CNTNAP2: variants seen among roughly 807,000 people sequenced by gnomAD.
The protein encoded by CNTNAP2 is contactin-associated protein-like 2.
In CNTNAP2, 98 loss-of-function variants were observed where a neutral mutation model predicts 155.2. That is an observed-to-expected ratio of 0.63 (90% CI 0.54 to 0.75). The LOEUF is 0.75. Among genes scored for constraint, CNTNAP2 ranks in the 30% least tolerant of loss-of-function variants. The pLI is 0.00. For synonymous variants in CNTNAP2, 651 were observed against 631.2 expected (o/e 1.03, Z -0.47); for missense variants, 1,727 against 1,688.1 (o/e 1.02, Z -0.40).
intron 8 of CNTNAP2, chr7:147,167,610 T>A: frequency 1.5e-6 from 1 of 660,664 alleles, no homozygotes; most frequent in Admixed American, 2.8e-5. Context: ...ATCAGAAGTC[T>A]AGTTTTATAT....
At chr7:146,363,284 A>G (rs1302797904) in intron 1 of CNTNAP2, among the ~76,000 whole-genome samples, 2 of 152,158 alleles carry the variant, frequency 1.3e-5, no homozygotes, top group Non-Finnish European at 2.9e-5. Context: ...GCAGTCACTT[A>G]CCTGTGTGGT....
chr7:147,316,115 A>T (rs1471997755), intron 9 of CNTNAP2, among the ~76,000 whole-genome samples: 1 of 152,032 alleles, frequency 6.6e-6, no homozygotes, highest in African/African-American at 2.4e-5. Flanking sequence ...TCTTGGGTAT[A>T]TACCTAGGAG....
intron 9 of CNTNAP2, among the ~76,000 whole-genome samples, chr7:147,382,688 G>T (rs980013150): frequency 2.0e-5 from 3 of 152,216 alleles, no homozygotes; most frequent in South Asian, 2.1e-4. Context: ...CTTTGGATAA[G>T]GTCTTTATTA....
At chr7:147,663,021 C>T (rs1440270657) in intron 13 of CNTNAP2, among the ~76,000 whole-genome samples, 1 of 151,938 alleles carries the variant, frequency 6.6e-6, no homozygotes, top group Non-Finnish European at 1.5e-5. Context: ...GTTTTTGAGA[C>T]CGAGTCTCGC....
chr7:146,700,311 A>G (rs1800854181), intron 1 of CNTNAP2, among the ~76,000 whole-genome samples: 2 of 152,108 alleles, frequency 1.3e-5, no homozygotes. Flanking sequence ...TTGCCCTGTG[A>G]TCCTGATTAT....
At chr7:147,159,789 C>T (rs7807033) in intron 8 of CNTNAP2, among the ~76,000 whole-genome samples, 14,630 of 152,148 alleles carry the variant, frequency 0.096, 770 homozygotes, top group Non-Finnish European at 0.12. Context: ...CCTATGGTCA[C>T]GCCTACCAAC....
At chr7:146,433,468 A>G (rs754154459) in intron 1 of CNTNAP2, among the ~76,000 whole-genome samples, 1 of 152,134 alleles carries the variant, frequency 6.6e-6, no homozygotes, top group African/African-American at 2.4e-5. Context: ...GATTGAAAAT[A>G]CACATTGACA....
rs1017705694 is a variant in CNTNAP2 at position 146,596,601 on chromosome 7, G to C, written c.98-177670G>C. On this transcript the variant is annotated intron_variant, in intron 1 of 23. Transcript: ENST00000361727. The stretch of plus-strand genomic sequence containing the variant: ...GAGAGAGATAGAAGGGAGACAGAGA[G>C]AGAGAGAGAGAGAGAGAGAGAGAGA... Among the ~76,000 whole-genome samples the C allele has an allele frequency of 3.5e-4, 27 of 77,152 alleles. No individual in the cohort carries two copies. The South Asian group carries it at 3.7e-3, about 11-fold the overall frequency. 50.6% of individuals were successfully genotyped at this position (77,152 alleles called of 152,430 possible).
intron 14 of CNTNAP2, among the ~76,000 whole-genome samples, chr7:147,948,392 C>G (rs772088952): frequency 6.6e-6 from 1 of 151,668 alleles, no homozygotes; most frequent in Non-Finnish European, 1.5e-5. Context: ...TTTCACATTG[C>G]ATGCCTGCAT....
intron 1 of CNTNAP2, among the ~76,000 whole-genome samples, chr7:146,245,296 T>C (rs986492030): frequency 6.6e-6 from 1 of 152,078 alleles, no homozygotes; most frequent in African/African-American, 2.4e-5. Context: ...ACAATGGTAA[T>C]TGTGGGACTT....
chr7:147,773,885 C>G (rs1164461862), intron 13 of CNTNAP2, among the ~76,000 whole-genome samples: 4 of 152,142 alleles, frequency 2.6e-5, no homozygotes, highest in African/African-American at 9.7e-5. Flanking sequence ...TGACTTGATT[C>G]TCACTACCTC....
intron 3 of CNTNAP2, among the ~76,000 whole-genome samples, chr7:146,869,706 T>A (rs1450033850): frequency 2.0e-5 from 3 of 151,872 alleles, no homozygotes; most frequent in Non-Finnish European, 4.4e-5. Context: ...GAACTTGGGG[T>A]CTGATGTTCA....
At chr7:146,341,719 AC>A (rs1392680234) in intron 1 of CNTNAP2, among the ~76,000 whole-genome samples, 2 of 152,028 alleles carry the variant, frequency 1.3e-5, no homozygotes, top group African/African-American at 4.8e-5. Context: ...AATTTCAAAA[AC>A]AAAAACAAAA....
At chr7:146,507,466 T>A (rs1223024863) in intron 1 of CNTNAP2, among the ~76,000 whole-genome samples, 1 of 152,202 alleles carries the variant, frequency 6.6e-6, no homozygotes, top group African/African-American at 2.4e-5. Flanking sequence ...TCCCAAGTAA[T>A]TCCTGTTTTT....
intron 10 of CNTNAP2, among the ~76,000 whole-genome samples, chr7:147,398,595 T>A: frequency 6.8e-6 from 1 of 146,672 alleles, no homozygotes; most frequent in East Asian, 2.0e-4. Context: ...TGAACTTTTT[T>A]TTTTTTTTTT....
chr7:146,639,071 A>G (rs1799661056), intron 1 of CNTNAP2, among the ~76,000 whole-genome samples: 1 of 152,222 alleles, frequency 6.6e-6, no homozygotes, highest in Non-Finnish European at 1.5e-5. Context: ...TGAAACCACC[A>G]TTGCATATGT....
rs527394119 is a variant in CNTNAP2, at chr7:148,254,553, A to G, written c.3382-12480A>G. Among the ~76,000 whole-genome samples, 4 of 152,166 alleles carry G rather than the reference A, an allele frequency of 2.6e-5. No individual in the cohort carries two copies. The East Asian group carries it at 5.8e-4, about 22-fold the overall frequency. ...GCACTTTGGGAGGCCGAGGTGGGCAAATCACGAGGTCAGGAGATCGAGACC... is the reference window on the plus strand; with the variant it reads ...GCACTTTGGGAGGCCGAGGTGGGCAGATCACGAGGTCAGGAGATCGAGACC... On this transcript the variant is annotated intron_variant, in intron 20 of 23. Transcript: ENST00000361727.
intron 11 of CNTNAP2, among the ~76,000 whole-genome samples, chr7:147,554,272 T>A (rs150134664): frequency 6.6e-6 from 1 of 152,072 alleles, no homozygotes; most frequent in Non-Finnish European, 1.5e-5. Context: ...GGTCAAAGAA[T>A]ACCAAGAATG....
chr7:147,531,033 A>G (rs58182591), intron 11 of CNTNAP2, among the ~76,000 whole-genome samples: 28,207 of 152,138 alleles, frequency 0.19, 2,773 homozygotes, highest in East Asian at 0.32. Flanking sequence ...TAAAGCTCCA[A>G]AATGATCTCC....
Sources: allele counts gnomAD v4.1 joint callset (sites outside exome capture counted in the v4.1 genomes callset), GRCh38; gene constraint gnomAD v4.1.1; transcripts MANE v1.5; gene names NCBI Gene and HGNC (gene_info 2026-07-23, HGNC 2026-07-21).